SAMD4A: variants seen among roughly 807,000 people sequenced by gnomAD.
SAMD4A encodes sterile alpha motif domain containing 4A.
In SAMD4A, 33 loss-of-function variants were observed where a neutral mutation model predicts 81.3. The ratio of observed to expected loss-of-function variants is 0.41; its 90% CI spans 0.31 to 0.54. SAMD4A has a LOEUF of 0.54. Among genes scored for constraint, SAMD4A ranks in the 20% least tolerant of loss-of-function variants. The pLI is 0.37. For missense variants in SAMD4A, 854 were observed against 951.1 expected, an observed-to-expected ratio of 0.90 and a Z score of 1.34; for synonymous variants, 389 against 382.1, an observed-to-expected ratio of 1.02 and a Z score of -0.21.
intron 5 of SAMD4A, among the ~76,000 whole-genome samples, chr14:54,749,180 A>T (rs1438408619): frequency 6.6e-6 from 1 of 152,238 alleles, no homozygotes; most frequent in Non-Finnish European, 1.5e-5. Flanking sequence ...GTGAAAAGGC[A>T]TAATCTCGGC....
intron 2 of SAMD4A, among the ~76,000 whole-genome samples, chr14:54,613,378 A>G (rs1274433040): frequency 6.6e-6 from 1 of 152,270 alleles, no homozygotes; most frequent in African/African-American, 2.4e-5. Flanking sequence ...CTCTACTGGT[A>G]AGTAGGTTCA....
chr14:54,634,245 C>T (rs1006787764), intron 2 of SAMD4A, among the ~76,000 whole-genome samples: 4 of 126,252 alleles, frequency 3.2e-5, no homozygotes, highest in East Asian at 2.3e-4. Context: ...CAGATCATGC[C>T]GCTGCACTCC....
At chr14:54,767,682 C>A (rs2038588656) in intron 8 of SAMD4A, among the ~76,000 whole-genome samples, 1 of 152,228 alleles carries the variant, frequency 6.6e-6, no homozygotes, top group African/African-American at 2.4e-5. Context: ...CCCTTCCCCT[C>A]CAGGCCCCTT....
At chr14:54,634,149 G>A (rs919120960) in intron 2 of SAMD4A, among the ~76,000 whole-genome samples, 1 of 152,040 alleles carries the variant, frequency 6.6e-6, no homozygotes, top group African/African-American at 2.4e-5. Context: ...AGCCAGGGAT[G>A]GTGGTGTATG....
At chr14:54,756,467 C>A (rs2038241452) in intron 6 of SAMD4A, among the ~76,000 whole-genome samples, 1 of 152,188 alleles carries the variant, frequency 6.6e-6, no homozygotes, top group Admixed American at 6.5e-5. Flanking sequence ...CAGCTCCCTG[C>A]CCTGATGCCC....
chr14:54,702,593 G>T lies in SAMD4A; in HGVS notation c.715+13G>T, dbSNP rs779871301. ...AGCACAAGTACAAGTAAGTTCCCCG[G>T]AATCCCTTTAACGTAGTCTGGTTTG... On this transcript the variant is annotated intron_variant, in intron 3 of 12. Transcript: ENST00000554335. The T allele has an allele frequency of 4.3e-6, 7 of 1,612,912 alleles. No individual in the cohort carries two copies. The highest frequency in any genetic ancestry group is 5.1e-6 in the Non-Finnish European group (6 of 1,179,300).
chr14:54,676,931 A>G (rs905017303), intron 2 of SAMD4A, among the ~76,000 whole-genome samples: 2 of 152,224 alleles, frequency 1.3e-5, no homozygotes, highest in Non-Finnish European at 2.9e-5. Context: ...GCCTTGCATT[A>G]TGCATTTTGC....
chr14:54,759,540 GATGTCA>G (rs2038336044), intron 6 of SAMD4A, among the ~76,000 whole-genome samples: 1 of 152,298 alleles, frequency 6.6e-6, no homozygotes, highest in East Asian at 1.9e-4. Context: ...CTCATGGCTG[GATGTCA>G]ACTCCTTGGG....
intron 2 of SAMD4A, among the ~76,000 whole-genome samples, chr14:54,586,971 G>A (rs1160900329): frequency 6.6e-6 from 1 of 151,986 alleles, no homozygotes; most frequent in African/African-American, 2.4e-5. Context: ...AAGAACGATG[G>A]TGGTATTTTG....
At chr14:54,603,752 C>CT (rs1327768658) in intron 2 of SAMD4A, among the ~76,000 whole-genome samples, 1 of 134,678 alleles carries the variant, frequency 7.4e-6, no homozygotes, top group African/African-American at 2.9e-5. Flanking sequence ...AAGGCCTTTT[C>CT]TTTAAAAAAA....
intron 2 of SAMD4A, among the ~76,000 whole-genome samples, chr14:54,610,310 G>A (rs2034319905): frequency 6.6e-6 from 1 of 152,074 alleles, no homozygotes; most frequent in Non-Finnish European, 1.5e-5. Context: ...AATATAAACT[G>A]AACTTTACCA....
At chr14:54,607,197 C>T (rs1442107128) in intron 2 of SAMD4A, among the ~76,000 whole-genome samples, 1 of 152,150 alleles carries the variant, frequency 6.6e-6, no homozygotes, top group Non-Finnish European at 1.5e-5. Flanking sequence ...GGAGGGCGTT[C>T]CTGATGCGTT....
chr14:54,592,223 C>T (rs1023424589), intron 2 of SAMD4A, among the ~76,000 whole-genome samples: 10 of 152,190 alleles, frequency 6.6e-5, no homozygotes, highest in Non-Finnish European at 1.3e-4. Context: ...ATTCTGGTAG[C>T]ATTGAGTACC....
chr14:54,760,171 AG>A lies in SAMD4A; in HGVS notation c.1193del (p.Gly398AlafsTer13). 1.2e-6 allele frequency: 2 copies of A among 1,612,144 alleles called. No homozygotes were observed. The highest frequency in any genetic ancestry group is 1.7e-6 in the Non-Finnish European group (2 of 1,179,574). ...GCTCTCACCGTCCAGGACATCATCG[AG>A]GGGGGCAGCCTGCGCATCCCGCTCC... ...LLKSLERDII[E>X]GGSLRIPLQE... is the part of the protein sequence containing the mutation. On this transcript the variant is annotated frameshift_variant, in exon 7 of 13. Coordinates refer to ENST00000554335, the MANE Select transcript of SAMD4A (RefSeq NM_015589.6). LOFTEE classifies it high-confidence loss of function.
At chr14:54,610,408 G>A (rs2034322998) in intron 2 of SAMD4A, among the ~76,000 whole-genome samples, 2 of 152,158 alleles carry the variant, frequency 1.3e-5, no homozygotes, top group African/African-American at 2.4e-5. Flanking sequence ...CCAGAAAAGC[G>A]TTTTCTTTAC....
chr14:54,649,466 A>G lies in SAMD4A; in HGVS notation c.197-52596A>G, dbSNP rs375508290. 3.4e-4 allele frequency among the ~76,000 whole-genome samples: 52 copies of G among 152,300 alleles called. No individual in the cohort carries two copies. The East Asian group carries it at 8.7e-3, about 25-fold the overall frequency. On this transcript the variant is annotated intron_variant, in intron 2 of 12. Transcript: ENST00000554335. ...ATGTGCATCGTGTGGGGTGGTGATC[A>G]CTGGAAAGAATCCCACACTTAGAGG...
chr14:54,626,691 A>T (rs1001286959), intron 2 of SAMD4A, among the ~76,000 whole-genome samples: 9 of 152,156 alleles, frequency 5.9e-5, no homozygotes, highest in African/African-American at 2.2e-4. Flanking sequence ...AGATATAAGG[A>T]ATTCCTATGG....
intron 9 of SAMD4A, among the ~76,000 whole-genome samples, chr14:54,771,026 C>T (rs963998550): frequency 3.9e-5 from 6 of 152,138 alleles, no homozygotes; most frequent in Middle Eastern, 6.8e-3. Context: ...GGTCTGAATT[C>T]ATTTCATTTC....
intron 2 of SAMD4A, among the ~76,000 whole-genome samples, chr14:54,580,556 A>G (rs181856890): frequency 1.2e-4 from 19 of 152,314 alleles, no homozygotes; most frequent in Admixed American, 2.0e-4. Context: ...ATGACTGCCC[A>G]CTACCTGTGG....
Sources: gnomAD v4.1 joint callset for allele counts (sites outside exome capture counted in the v4.1 genomes callset) on GRCh38, gnomAD v4.1.1 for gene constraint, MANE v1.5 for transcripts, NCBI Gene and HGNC (gene_info 2026-07-23, HGNC 2026-07-21) for gene names.